Variants in DOCK8 observed in about 807,000 individuals in gnomAD.
DOCK8 encodes dedicator of cytokinesis protein 8.
In DOCK8, 141 loss-of-function variants were observed where a neutral mutation model predicts 245.6. That is an observed-to-expected ratio of 0.57 (90% CI 0.50 to 0.66). The LOEUF (loss-of-function observed/expected upper bound fraction) is 0.66. Among genes scored for constraint, DOCK8 ranks in the 30% least tolerant of loss-of-function variants. The pLI is 0.00. For missense variants in DOCK8, 2,965 were observed against 2,603.4 expected (o/e 1.14, Z -3.02); for synonymous variants, 1,168 against 970.2 (o/e 1.20, Z -3.79).
rs117019309 is a variant in DOCK8, at chr9:399,810, T to C, written c.3234+551T>C. 9.2e-4 allele frequency among the ~76,000 whole-genome samples: 140 copies of C among 152,040 alleles called. 1 individual carries two copies. In the East Asian group the frequency reaches 0.023, roughly 25 times the overall value. Reference sequence around the variant, plus strand: ...TTTAAATGGAATTATTCATGTGCTGTCTCCCTCAAACTACCTTAACAATAG... The same window carrying C: ...TTTAAATGGAATTATTCATGTGCTGCCTCCCTCAAACTACCTTAACAATAG... On this transcript the variant is annotated intron_variant, in intron 26 of 47. Transcript: ENST00000432829.
At chr9:433,172 A>C (rs1356255998) in intron 37 of DOCK8, among the ~76,000 whole-genome samples, 1 of 152,124 alleles carries the variant, frequency 6.6e-6, no homozygotes, top group Admixed American at 6.6e-5. Context: ...TCCATCATTT[A>C]TATAGAGGTA....
intron 36 of DOCK8, among the ~76,000 whole-genome samples, chr9:431,225 A>G (rs10814888): frequency 0.62 from 94,528 of 152,062 alleles, 31,360 homozygotes; most frequent in East Asian, 0.98. Flanking sequence ...CAGCTTTATT[A>G]TAGAACAGTC....
chr9:410,718 G>C (rs2055681875), intron 28 of DOCK8, among the ~76,000 whole-genome samples: 2 of 152,198 alleles, frequency 1.3e-5, no homozygotes, highest in South Asian at 4.1e-4. Flanking sequence ...AATAACAAAG[G>C]TGATAGCCAA....
intron 14 of DOCK8, among the ~76,000 whole-genome samples, chr9:342,001 C>T (rs1226876268): frequency 6.6e-6 from 1 of 152,138 alleles, no homozygotes; most frequent in African/African-American, 2.4e-5. Flanking sequence ...AGATGGGACC[C>T]TCTAATTGCA....
At chr9:345,418 G>A (rs911051633) in intron 14 of DOCK8, among the ~76,000 whole-genome samples, 4 of 152,132 alleles carry the variant, frequency 2.6e-5, no homozygotes, top group African/African-American at 9.7e-5. Flanking sequence ...TCAAATTAAT[G>A]TGCCCTTAAC....
rs1322818379 is a variant in DOCK8, at chr9:442,025, C to T, written c.5490+16C>T. 1.2e-6 allele frequency: 2 copies of T among 1,613,706 alleles called. No homozygotes were observed. Among genetic ancestry groups the T allele is most frequent in the East Asian group, 2.2e-5 (1 of 44,860 alleles). ...TAGACTAGAGGTAAGAAAAGTGATTCTGTGCGCCTGACCTGGTACACTTTA... is the reference window on the plus strand; with the variant it reads ...TAGACTAGAGGTAAGAAAAGTGATTTTGTGCGCCTGACCTGGTACACTTTA... On this transcript the variant is annotated intron_variant, in intron 42 of 47. Transcript: ENST00000432829.
At chr9:267,336 G>A (rs901781289) in intron 1 of DOCK8, among the ~76,000 whole-genome samples, 2 of 152,144 alleles carry the variant, frequency 1.3e-5, no homozygotes, top group Non-Finnish European at 2.9e-5. Context: ...CCCCTGAGTA[G>A]CTGGGACTAC....
At chr9:396,984 A>G in intron 25 of DOCK8, 50 bp downstream of exon 25, 1 of 1,553,244 alleles carries the variant, frequency 6.4e-7, no homozygotes, top group Non-Finnish European at 8.9e-7. Flanking sequence ...TGGAACATAT[A>G]TTACTTTCAT....
chr9:416,501 G>A (rs934942215), intron 29 of DOCK8, among the ~76,000 whole-genome samples: 4 of 152,146 alleles, frequency 2.6e-5, no homozygotes, highest in African/African-American at 9.7e-5. Context: ...AGACTTCTTT[G>A]TATATGCGTT....
chr9:331,531 G>A (rs1020542902), intron 9 of DOCK8, among the ~76,000 whole-genome samples: 4 of 152,112 alleles, frequency 2.6e-5, no homozygotes, highest in African/African-American at 9.7e-5. Flanking sequence ...GTACTGTGTT[G>A]ACCCAAATTC....
intron 26 of DOCK8, among the ~76,000 whole-genome samples, chr9:400,310 T>TCAC (rs1254588552): frequency 2.2e-4 from 3 of 13,814 alleles, no homozygotes; most frequent in Non-Finnish European, 3.4e-4. Context: ...ATCTTCACCG[T>TCAC]CACCACCACC....
intron 1 of DOCK8, among the ~76,000 whole-genome samples, chr9:238,614 C>CT (rs2047314582): frequency 6.6e-6 from 1 of 152,080 alleles, no homozygotes; most frequent in African/African-American, 2.4e-5. Context: ...GAAACAGTGT[C>CT]TTTATGTAAA....
chr9:385,078 C>G (rs1477335000), intron 22 of DOCK8, among the ~76,000 whole-genome samples: 1 of 152,098 alleles, frequency 6.6e-6, no homozygotes, highest in Non-Finnish European at 1.5e-5. Flanking sequence ...ATACCTGTTC[C>G]CAAAAGCTGA....
intron 2 of DOCK8, chr9:272,997 C>G (rs1253883541): frequency 1.0e-6 from 1 of 981,210 alleles, no homozygotes; most frequent in Non-Finnish European, 1.2e-6. Flanking sequence ...ACTTCGAAAC[C>G]ACTTCTGCCT....
At chr9:370,737 C>T (rs10491687) in intron 16 of DOCK8, among the ~76,000 whole-genome samples, 6,911 of 152,194 alleles carry the variant, frequency 0.045, 535 homozygotes, top group African/African-American at 0.16. Flanking sequence ...ATTATTCCAC[C>T]GGCAAATGGA....
chr9:271,384 C>T (rs2048161283), intron 1 of DOCK8, among the ~76,000 whole-genome samples: 2 of 151,634 alleles, frequency 1.3e-5, no homozygotes, highest in African/African-American at 2.4e-5. Flanking sequence ...TGTCATCATC[C>T]TTCCAGTATT....
intron 1 of DOCK8, among the ~76,000 whole-genome samples, chr9:241,636 G>A (rs895339092): frequency 2.6e-5 from 4 of 152,076 alleles, no homozygotes; most frequent in Admixed American, 1.3e-4. Context: ...TGTCAGACAC[G>A]TAAGTTGATT....
At position 446,350 on chromosome 9, in the gene DOCK8, C is replaced by T; in HGVS notation, c.5581-20C>T. On this transcript the variant is annotated intron_variant, in intron 43 of 47. Coordinates refer to ENST00000432829, the MANE Select transcript of DOCK8 (RefSeq NM_203447.4). ...TTGCAGAATAGCTCATCTTCTCCCT[C>T]CGTGCCTTTTCCCCCTTAGGCCTAC... 6.2e-7 allele frequency: 1 copy of T among 1,602,668 alleles called. No homozygotes were observed. The highest frequency in any genetic ancestry group is 1.7e-4 in the Middle Eastern group (1 of 6,050).
At chr9:424,062 CTT>C (rs35430451) in intron 33 of DOCK8, among the ~76,000 whole-genome samples, 59,382 of 147,034 alleles carry the variant, frequency 0.4, 14,011 homozygotes, top group Non-Finnish European at 0.55. Flanking sequence ...GGGCTTTGTG[CTT>C]TTTTTTTTTT....
Sources: allele counts gnomAD v4.1 joint callset (sites outside exome capture counted in the v4.1 genomes callset), GRCh38; gene constraint gnomAD v4.1.1; transcripts MANE v1.5; gene names NCBI Gene and HGNC (gene_info 2026-07-23, HGNC 2026-07-21).